Variants in CSGALNACT1 observed in about 807,000 individuals in gnomAD.
CSGALNACT1 encodes beta4GalNAcT-1.
CSGALNACT1 carries 52 observed loss-of-function variants against 51.0 expected under a neutral mutation model. The ratio of observed to expected loss-of-function variants is 1.02; its 90% CI spans 0.82 to 1.29. The LOEUF (loss-of-function observed/expected upper bound fraction) is 1.29, where lower values mean the gene tolerates loss of function less well. Among genes scored for constraint, CSGALNACT1 ranks in the 50% most tolerant of loss-of-function variants. CSGALNACT1 has a pLI of 0.00. For missense variants in CSGALNACT1, 935 were observed against 679.2 expected (o/e 1.38, Z -4.19); for synonymous variants, 341 against 254.4 (o/e 1.34, Z -3.24).
chr8:19,649,490 A>G (rs534230355), intron 1 of CSGALNACT1, among the ~76,000 whole-genome samples: 1 of 152,134 alleles, frequency 6.6e-6, no homozygotes, highest in African/African-American at 2.4e-5. Flanking sequence ...ATGCTGCTGT[A>G]TATCATGTAT....
At chr8:19,599,478 AAGAAAGAAAGAAAGAAAGAAAG>A (rs1564210648) in intron 2 of CSGALNACT1, among the ~76,000 whole-genome samples, 2 of 92,832 alleles carry the variant, frequency 2.2e-5, no homozygotes, top group African/African-American at 7.7e-5. Flanking sequence ...AAGAAAAAGA[AAGAAAGAAAGAAAGAAAGAAAG>A]AAAGAAAGAA....
intron 1 of CSGALNACT1, among the ~76,000 whole-genome samples, chr8:19,730,777 C>G (rs1037601673): frequency 6.6e-6 from 1 of 152,164 alleles, no homozygotes; most frequent in African/African-American, 2.4e-5. Flanking sequence ...TAATAAGTCC[C>G]TGGTATTTGT....
intron 4 of CSGALNACT1, among the ~76,000 whole-genome samples, chr8:19,474,118 G>A (rs569808443): frequency 6.6e-6 from 1 of 152,250 alleles, no homozygotes; most frequent in East Asian, 1.9e-4. Flanking sequence ...GATCCATGGA[G>A]CTTCTGATGA....
intron 3 of CSGALNACT1, among the ~76,000 whole-genome samples, chr8:19,565,709 A>G (rs34561584): frequency 0.019 from 2,823 of 152,336 alleles, 43 homozygotes; most frequent in Middle Eastern, 0.075. Context: ...ATCTGAGGTC[A>G]GGTGTTCAAG....
At chr8:19,744,602 G>T (rs2064531367) in intron 1 of CSGALNACT1, among the ~76,000 whole-genome samples, 1 of 152,114 alleles carries the variant, frequency 6.6e-6, no homozygotes, top group South Asian at 2.1e-4. Flanking sequence ...TAACTTTTAA[G>T]AAAACACATA....
At chr8:19,440,349 C>T (rs910120139) in intron 5 of CSGALNACT1, among the ~76,000 whole-genome samples, 39 of 152,034 alleles carry the variant, frequency 2.6e-4, no homozygotes, top group Non-Finnish European at 3.4e-4. Context: ...TTCAGCAGCA[C>T]ATCAAAAAGC....
At chr8:19,619,018 A>T (rs777535146) in intron 1 of CSGALNACT1, among the ~76,000 whole-genome samples, 2 of 152,086 alleles carry the variant, frequency 1.3e-5, no homozygotes, top group Non-Finnish European at 2.9e-5. Flanking sequence ...AGGCTCTATG[A>T]TGGGGCTACA....
At chr8:19,496,793 G>C (rs544055724) in intron 4 of CSGALNACT1, among the ~76,000 whole-genome samples, 1 of 152,294 alleles carries the variant, frequency 6.6e-6, no homozygotes, top group South Asian at 2.1e-4. Flanking sequence ...CAGTGCAGAT[G>C]AGTAGGGCAG....
intron 3 of CSGALNACT1, among the ~76,000 whole-genome samples, chr8:19,576,676 G>C (rs1268568095): frequency 6.6e-6 from 1 of 150,830 alleles, no homozygotes; most frequent in South Asian, 2.1e-4. Context: ...GCAGACCCCC[G>C]ACAGGCAGCC....
chr8:19,647,909 G>C (rs1264148757), intron 1 of CSGALNACT1, among the ~76,000 whole-genome samples: 3 of 152,134 alleles, frequency 2.0e-5, no homozygotes, highest in Non-Finnish European at 2.9e-5. Context: ...ATAAAAGAAA[G>C]GCACTCTGTG....
rs938123937 is a variant in CSGALNACT1 at position 19,406,182 on chromosome 8, C to T, written c.1310-113G>A. 1.9e-5 allele frequency: 23 copies of T among 1,206,464 alleles called. No individual in the cohort carries two copies. The African/African-American group carries it at 3.0e-4, about 16-fold the overall frequency. 74.7% of individuals were successfully genotyped at this position (1,206,464 alleles called of 1,614,324 possible). ...ACATGACTGGGGGGGATGCGTGCTT[C>T]ACCACCACCCCTCCAAGGTACGAGA... On this transcript the variant is annotated intron_variant, in intron 9 of 9. Transcript: ENST00000454498.
intron 1 of CSGALNACT1, among the ~76,000 whole-genome samples, chr8:19,636,119 C>G (rs1439522785): frequency 6.6e-6 from 1 of 152,138 alleles, no homozygotes; most frequent in Non-Finnish European, 1.5e-5. Flanking sequence ...GGTTCACTTT[C>G]TGCAGTTTCC....
chr8:19,517,295 C>T (rs954428421), intron 3 of CSGALNACT1, among the ~76,000 whole-genome samples: 2 of 152,046 alleles, frequency 1.3e-5, no homozygotes, highest in Non-Finnish European at 2.9e-5. Flanking sequence ...ACAAAATTAG[C>T]TGGGTGTGGT....
intron 1 of CSGALNACT1, among the ~76,000 whole-genome samples, chr8:19,690,049 T>C (rs1209003690): frequency 2.6e-5 from 4 of 152,198 alleles, no homozygotes; most frequent in Admixed American, 6.5e-5. Flanking sequence ...TGTGTTGAAT[T>C]TTAACAGGAC....
At chr8:19,531,727 C>G (rs541014096) in intron 3 of CSGALNACT1, 1 of 152,360 alleles carries the variant, frequency 6.6e-6, no homozygotes, top group Non-Finnish European at 1.5e-5. Context: ...AACAAAAGAA[C>G]TTTGTTGTTT....
At chr8:19,424,808 C>G (rs111406266) in intron 6 of CSGALNACT1, among the ~76,000 whole-genome samples, 25 of 152,164 alleles carry the variant, frequency 1.6e-4, no homozygotes, top group African/African-American at 5.8e-4. Flanking sequence ...CACTGATGTG[C>G]CCAACGTAGT....
intron 6 of CSGALNACT1, 111 bp from the exon 6 acceptor site, chr8:19,420,629 C>A: frequency 8.8e-7 from 1 of 1,131,970 alleles, no homozygotes. Context: ...CTTTTGTAAC[C>A]TGAGGGCACT....
At position 19,506,031 on chromosome 8, in the gene CSGALNACT1, G is replaced by C; in HGVS notation, c.-197C>G. The C allele has an allele frequency of 1.4e-6, 1 of 712,686 alleles. No homozygotes were observed. The allele number at this position is 712,686 out of a possible 1,614,324, so 44.1% of individuals were successfully genotyped here. On this transcript the variant is annotated 5_prime_UTR_variant, in exon 4 of 10. It adds an upstream start codon to the 5' untranslated region. Transcript: ENST00000454498. ...AGCAGCTTCTCTACTTTTAAAGGAT[G>C]ATCTTGCAGGCAGAAGCAATGACTG...
chr8:19,562,064 G>C (rs921286922), intron 3 of CSGALNACT1, among the ~76,000 whole-genome samples: 2 of 152,156 alleles, frequency 1.3e-5, no homozygotes, highest in Non-Finnish European at 2.9e-5. Flanking sequence ...GGCATCACCT[G>C]ACAAGTATGG....
Sources: gnomAD v4.1 joint callset for allele counts (sites outside exome capture counted in the v4.1 genomes callset) on GRCh38, gnomAD v4.1.1 for gene constraint, MANE v1.5 for transcripts, NCBI Gene and HGNC (gene_info 2026-07-23, HGNC 2026-07-21) for gene names.